The following RNF144A variants were observed in gnomAD, a reference collection of about 807,000 sequenced individuals.
RNF144A encodes ring finger protein 144A.
RNF144A carries 11 observed loss-of-function variants against 38.7 expected under a neutral mutation model. That is an observed-to-expected ratio of 0.28 (90% CI 0.18 to 0.47). The LOEUF (loss-of-function observed/expected upper bound fraction) is 0.47. Ranked by LOEUF, RNF144A falls within the 20% of genes least tolerant of loss-of-function variation. RNF144A has a pLI of 0.99. For missense variants in RNF144A, 316 were observed against 377.2 expected, an observed-to-expected ratio of 0.84 and a Z score of 1.34; for synonymous variants, 149 against 143.9, an observed-to-expected ratio of 1.04 and a Z score of -0.25.
intron 6 of RNF144A, among the ~76,000 whole-genome samples, chr2:7,063,734 A>C (rs963873120): frequency 6.6e-6 from 1 of 152,174 alleles, no homozygotes; most frequent in African/African-American, 2.4e-5. Context: ...ACGTTGCAAA[A>C]AGGAAGAAAT....
chr2:6,947,898 G>A (rs1279525364), intron 2 of RNF144A, among the ~76,000 whole-genome samples: 3 of 152,170 alleles, frequency 2.0e-5, no homozygotes, highest in Non-Finnish European at 4.4e-5. Context: ...GATGCTCTAA[G>A]GATCAGATGT....
intron 7 of RNF144A, among the ~76,000 whole-genome samples, chr2:7,027,113 C>G (rs948207620): frequency 1.3e-5 from 2 of 152,150 alleles, no homozygotes; most frequent in Admixed American, 1.3e-4. Context: ...TCCTGTTTCC[C>G]CCAAGCGTGC....
intron 7 of RNF144A, among the ~76,000 whole-genome samples, chr2:7,028,279 C>T (rs377385519): frequency 1.3e-5 from 2 of 152,198 alleles, no homozygotes; most frequent in African/African-American, 4.8e-5. Flanking sequence ...CGTGGCCTGG[C>T]CAGAGATGCT....
intron 2 of RNF144A, among the ~76,000 whole-genome samples, chr2:6,950,935 A>G (rs1453963589): frequency 6.6e-6 from 1 of 152,142 alleles, no homozygotes; most frequent in Non-Finnish European, 1.5e-5. Flanking sequence ...AGTGTTAAAA[A>G]TATTACCTCC....
At position 6,959,056 on chromosome 2, in the gene RNF144A, C is replaced by T. The variant is rs149392932; in HGVS notation, c.-12+17909C>T. 2.5e-3 allele frequency among the ~76,000 whole-genome samples: 388 copies of T among 152,278 alleles called. 2 individuals are homozygous for T. Among genetic ancestry groups the T allele is most frequent in the African/African-American group, 8.6e-3 (357 of 41,564 alleles). On this transcript the variant is annotated intron_variant, in intron 2 of 8. Transcript: ENST00000320892. ...AGCACAGAACACGTGATGCTCCTGG[C>T]GAAGCACCTCATTGACTCATTCCAA...
intron 2 of RNF144A, among the ~76,000 whole-genome samples, chr2:6,953,619 C>T (rs756637427): frequency 3.9e-5 from 6 of 152,078 alleles, no homozygotes; most frequent in African/African-American, 9.7e-5. Flanking sequence ...ATCTTAATTG[C>T]ATTGAGGTCA....
intron 6 of RNF144A, among the ~76,000 whole-genome samples, chr2:7,050,580 G>A (rs1046387629): frequency 6.6e-6 from 1 of 151,076 alleles, no homozygotes; most frequent in African/African-American, 2.4e-5. Flanking sequence ...CTGTTCCTGG[G>A]GCATTCTCTG....
intron 6 of RNF144A, among the ~76,000 whole-genome samples, chr2:7,058,484 A>G (rs1172414359): frequency 6.6e-6 from 1 of 152,058 alleles, no homozygotes; most frequent in Non-Finnish European, 1.5e-5. Context: ...GTGGCCATCA[A>G]CTCTCCATCT....
intron 1 of RNF144A, among the ~76,000 whole-genome samples, chr2:6,919,136 A>G (rs1207222863): frequency 6.6e-6 from 1 of 152,132 alleles, no homozygotes; most frequent in Non-Finnish European, 1.5e-5. Context: ...GTGTCCCTGC[A>G]AAGGGAGTCC....
intron 2 of RNF144A, among the ~76,000 whole-genome samples, chr2:6,992,388 A>C (rs1006047953): frequency 6.6e-6 from 1 of 152,228 alleles, no homozygotes; most frequent in Non-Finnish European, 1.5e-5. Flanking sequence ...CTGGTGGACC[A>C]CACACAGCAG....
At chr2:7,030,818 A>C (rs189790453) in intron 8 of RNF144A, among the ~76,000 whole-genome samples, 1 of 152,010 alleles carries the variant, frequency 6.6e-6, no homozygotes, top group East Asian at 1.9e-4. Context: ...ACAACTCACT[A>C]TCATGTAGAA....
At chr2:6,936,740 AAATT>A (rs1270212438) in intron 1 of RNF144A, among the ~76,000 whole-genome samples, 1 of 152,128 alleles carries the variant, frequency 6.6e-6, no homozygotes, top group Admixed American at 6.5e-5. Context: ...AGAAAGGTGT[AAATT>A]AATTAATTGT....
chr2:7,026,934 A>T (rs1363360640), intron 7 of RNF144A, among the ~76,000 whole-genome samples: 2 of 152,244 alleles, frequency 1.3e-5, no homozygotes, highest in African/African-American at 4.8e-5. Flanking sequence ...TACATGAAGA[A>T]AAATGACCCT....
At chr2:6,981,370 G>A (rs950450585) in intron 2 of RNF144A, among the ~76,000 whole-genome samples, 4 of 151,022 alleles carry the variant, frequency 2.6e-5, no homozygotes, top group East Asian at 1.9e-4. Flanking sequence ...ATTTCATATC[G>A]TCTCTTTGTG....
In RNF144A at chr2:7,040,908, T is replaced by G. The variant is rs1673007279; in HGVS notation, c.*1148T>G. 15 of 985,490 alleles carry G rather than the reference T, an allele frequency of 1.5e-5. No individual in the cohort carries two copies. The highest frequency in any genetic ancestry group is 1.7e-5 in the Non-Finnish European group (14 of 829,950). 61.0% of individuals were successfully genotyped at this position (985,490 alleles called of 1,614,324 possible). A position where few individuals can be genotyped will look rare whatever the true frequency, so the allele number is the denominator to read the frequency against. ...AAGAACCTCCCATTTCACTTCGTTT[T>G]AACGTGGGGATTTTACCACTTGATC... On this transcript the variant is annotated 3_prime_UTR_variant, in exon 9 of 9. Coordinates refer to ENST00000320892, the MANE Select transcript of RNF144A (RefSeq NM_014746.6).
At chr2:7,068,289 T>C, downstream of RNF144A, 1 of 1,275,064 alleles carries the variant, frequency 7.8e-7, no homozygotes, top group Non-Finnish European at 1.0e-6. Flanking sequence ...GTGGGTTGTT[T>C]ATAACACATT....
At chr2:6,982,414 C>A (rs1256610326) in intron 2 of RNF144A, among the ~76,000 whole-genome samples, 1 of 151,730 alleles carries the variant, frequency 6.6e-6, no homozygotes, top group Non-Finnish European at 1.5e-5. Context: ...GCCCTCTTCA[C>A]ACCAAGGAAG....
intron 1 of RNF144A, among the ~76,000 whole-genome samples, chr2:6,936,569 C>T (rs757111187): frequency 6.6e-6 from 1 of 152,058 alleles, no homozygotes; most frequent in Non-Finnish European, 1.5e-5. Context: ...AAAAAATCAC[C>T]AACAGGATCC....
intron 3 of RNF144A, among the ~76,000 whole-genome samples, chr2:7,002,019 CT>C (rs1190715563): frequency 6.6e-6 from 1 of 152,146 alleles, no homozygotes; most frequent in African/African-American, 2.4e-5. Flanking sequence ...ATATTATTTC[CT>C]TTTTTTCCTA....
Sources: allele counts gnomAD v4.1 joint callset (sites outside exome capture counted in the v4.1 genomes callset), GRCh38; gene constraint gnomAD v4.1.1; transcripts MANE v1.5; gene names NCBI Gene and HGNC (gene_info 2026-07-23, HGNC 2026-07-21).